Variants in DST observed in about 807,000 individuals in gnomAD.
DST encodes bullous pemphigoid antigen.
Under a neutral mutation model 875.2 loss-of-function variants are expected in DST, and 253 were observed. The observed-to-expected ratio is 0.29, with a 90% CI of 0.26 to 0.32. The LOEUF is 0.32. Among genes scored for constraint, DST ranks in the 10% least tolerant of loss-of-function variants. DST has a pLI of 1.00. For synonymous variants in DST, 3,124 were observed against 3,197.1 expected (o/e 0.98, Z 0.77); for missense variants, 8,287 against 9,111.6 (o/e 0.91, Z 3.68).
chr6:56,683,114 C>T (rs1374400928), intron 9 of DST, among the ~76,000 whole-genome samples: 2 of 152,184 alleles, frequency 1.3e-5, no homozygotes, highest in East Asian at 3.8e-4. Flanking sequence ...GATATATTAA[C>T]TGTTCTAAGA....
At chr6:56,712,259 T>TA (rs530064091) in intron 5 of DST, among the ~76,000 whole-genome samples, 27 of 152,196 alleles carry the variant, frequency 1.8e-4, no homozygotes, top group African/African-American at 2.6e-4. Context: ...TTTTTCACCT[T>TA]AAAAAAATCA....
At chr6:56,744,866 C>T (rs772415957) in intron 4 of DST, among the ~76,000 whole-genome samples, 11 of 152,194 alleles carry the variant, frequency 7.2e-5, no homozygotes, top group Non-Finnish European at 1.0e-4. Context: ...AAAGTCCCCA[C>T]TCTCATTTTA....
At chr6:56,905,872 C>T (rs1351793220) in intron 2 of DST, among the ~76,000 whole-genome samples, 1 of 152,208 alleles carries the variant, frequency 6.6e-6, no homozygotes. Flanking sequence ...TGGTCTTGAA[C>T]TCCTGACCTC....
intron 3 of DST, among the ~76,000 whole-genome samples, chr6:56,871,949 G>C (rs1777391519): frequency 1.3e-5 from 2 of 152,180 alleles, no homozygotes. Context: ...TGCTCGCTTA[G>C]ACGTGGCTGA....
At position 56,607,060 on chromosome 6, in the gene DST, T is replaced by C. The variant is rs924029912; in HGVS notation, c.7568A>G (p.Asn2523Ser). The C allele has an allele frequency of 8.7e-6, 14 of 1,613,140 alleles. No individual in the cohort carries two copies. Among genetic ancestry groups the C allele is most frequent in the Admixed American group, 8.3e-5 (5 of 59,892 alleles). ...ISSNPQVQYHNDKYISNTSGE... is the reference protein window; with the variant it reads ...ISSNPQVQYHSDKYISNTSGE... ...AGAAGTATTTGAAATGTATTTATCA[T>C]TGTGATATTGTACTTGAGGATTACT... The change falls in exon 40 of 104, where the codon AAT becomes AGT. Residue 2523 changes from asparagine to serine, a missense_variant. This residue lies in a region of DST where 3,138 missense variants were observed against 3,116.6 expected (regional missense o/e 1.01). Coordinates refer to ENST00000680361, the MANE Select transcript of DST (RefSeq NM_001374736.1).
intron 5 of DST, among the ~76,000 whole-genome samples, chr6:56,722,189 G>T (rs2099419477): frequency 6.6e-6 from 1 of 152,022 alleles, no homozygotes; most frequent in Non-Finnish European, 1.5e-5. Flanking sequence ...AGGCTCCTTG[G>T]TTAGAATGCA....
Position 56,648,596 on chromosome 6 carries a change from A to G in DST, c.1528T>C (p.Phe510Leu). ...HHVTTMSERTFPNNPVELKAL... is the reference protein window; with the variant it reads ...HHVTTMSERTLPNNPVELKAL... ...TTCAGTTCTACAGGATTATTAGGAAATGTTCTCTCAGACATTGTGGTCACA... is the reference window on the plus strand; with the variant it reads ...TTCAGTTCTACAGGATTATTAGGAAGTGTTCTCTCAGACATTGTGGTCACA... The change falls in exon 13 of 104, where the codon TTT (phenylalanine) becomes CTT (leucine). Residue 510 changes from phenylalanine to leucine, a missense_variant. Physicochemically the swap from Phe to Leu is conservative, Grantham distance 22. Transcript: ENST00000680361. 6.3e-7 allele frequency: 1 copy of G among 1,587,000 alleles called. No individual in the cohort carries two copies.
In DST at chr6:56,573,144, C is replaced by T; in HGVS notation, c.13237-80G>A. On this transcript the variant is annotated intron_variant, in intron 51 of 103. Transcript: ENST00000680361. ...ACAGAATTTTTTTAAATGACTATTCCTAACAACATAAGCTTGCACAACCTG... is the reference window on the plus strand; with the variant it reads ...ACAGAATTTTTTTAAATGACTATTCTTAACAACATAAGCTTGCACAACCTG... 1.6e-6 allele frequency: 2 copies of T among 1,223,152 alleles called. 1 individual carries two copies. Among genetic ancestry groups the T allele is most frequent in the East Asian group, 5.1e-5 (2 of 39,040 alleles). The allele number at this position is 1,223,152 out of a possible 1,614,324, so 75.8% of individuals were successfully genotyped here.
intron 4 of DST, among the ~76,000 whole-genome samples, chr6:56,819,634 ATAGCT>A (rs1247692454): frequency 6.6e-6 from 1 of 152,222 alleles, no homozygotes; most frequent in South Asian, 2.1e-4. Context: ...ACATTAGAAA[ATAGCT>A]TAGTATAAGC....
At chr6:56,652,389 C>T (rs1389443833) in intron 10 of DST, among the ~76,000 whole-genome samples, 1 of 152,116 alleles carries the variant, frequency 6.6e-6, no homozygotes, top group Non-Finnish European at 1.5e-5. Flanking sequence ...TGGTACTCAC[C>T]ACCCAAAAAA....
chr6:56,697,093 C>T (rs1434592467), intron 9 of DST, among the ~76,000 whole-genome samples: 1 of 152,158 alleles, frequency 6.6e-6, no homozygotes, highest in African/African-American at 2.4e-5. Context: ...ATCAAGCCCA[C>T]CCAGAAAGTA....
intron 9 of DST, among the ~76,000 whole-genome samples, chr6:56,673,341 A>G (rs568694722): frequency 6.6e-6 from 1 of 152,320 alleles, no homozygotes; most frequent in South Asian, 2.1e-4. Flanking sequence ...AAATTATAAA[A>G]TCAACTGTTT....
chr6:56,552,071 A>G (rs2097334931), intron 61 of DST, 113 bp downstream of exon 61: 1 of 1,243,166 alleles, frequency 8.0e-7, no homozygotes, highest in African/African-American at 1.5e-5. Context: ...TGGCTCAAAT[A>G]TTGTATGACA....
chr6:56,787,578 C>G lies in DST; in HGVS notation c.626-52289G>C, dbSNP rs1170209011. Among the ~76,000 whole-genome samples the G allele has an allele frequency of 2.0e-5, 3 of 152,070 alleles. No homozygotes were observed. In the East Asian group the frequency reaches 5.8e-4, roughly 29 times the overall value. On this transcript the variant is annotated intron_variant, in intron 4 of 103. Transcript: ENST00000680361. ...ACAAATATGAAATTGTAACACAAACCACAAAAAATAATATGTAGACTTCTA... is the reference window on the plus strand; with the variant it reads ...ACAAATATGAAATTGTAACACAAACGACAAAAAATAATATGTAGACTTCTA...
At chr6:56,951,736 T>G (rs574958431) in intron 2 of DST, among the ~76,000 whole-genome samples, 2 of 152,212 alleles carry the variant, frequency 1.3e-5, no homozygotes, top group African/African-American at 4.8e-5. Flanking sequence ...AAACTAATAT[T>G]GCATTTAAAT....
intron 3 of DST, among the ~76,000 whole-genome samples, chr6:56,874,016 G>A (rs577683100): frequency 6.6e-6 from 1 of 152,262 alleles, no homozygotes; most frequent in Non-Finnish European, 1.5e-5. Flanking sequence ...ACTGAGGTGG[G>A]AGGATCACTA....
Position 56,500,253 on chromosome 6 carries a change from T to C in DST, c.19896+827A>G, listed in dbSNP as rs927359600. Reference sequence around the variant, plus strand: ...GGATTTAGGACTCTGAAGATATCACTATTAATGTGAATGTCAAAGTCTATG... The same window carrying C: ...GGATTTAGGACTCTGAAGATATCACCATTAATGTGAATGTCAAAGTCTATG... On this transcript the variant is annotated intron_variant, in intron 80 of 103. Transcript: ENST00000680361. Among the ~76,000 whole-genome samples the C allele has an allele frequency of 9.9e-5, 15 of 152,266 alleles. 1 individual carries two copies. The highest frequency in any genetic ancestry group is 7.9e-4 in the Admixed American group (12 of 15,278).
intron 85 of DST, among the ~76,000 whole-genome samples, chr6:56,490,271 C>A (rs1640586902): frequency 6.6e-6 from 1 of 152,074 alleles, no homozygotes; most frequent in Admixed American, 6.6e-5. Flanking sequence ...GCATCTATAA[C>A]CTTGCAAACA....
chr6:56,674,654 C>G (rs544576330), intron 9 of DST, among the ~76,000 whole-genome samples: 1 of 152,090 alleles, frequency 6.6e-6, no homozygotes, highest in South Asian at 2.1e-4. Flanking sequence ...AAACAGAAAT[C>G]AAGAAAGCAA....
Sources: gnomAD v4.1 joint callset for allele counts (sites outside exome capture counted in the v4.1 genomes callset) on GRCh38, gnomAD v4.1.1 for gene constraint, gnomAD v4.1.1 regional missense constraint, MANE v1.5 for transcripts, NCBI Gene and HGNC (gene_info 2026-07-23, HGNC 2026-07-21) for gene names.